The following ATXN3 variants were observed in gnomAD, a reference collection of about 807,000 sequenced individuals.
The protein encoded by ATXN3 is ataxin-3.
A neutral mutation model predicts 58.2 loss-of-function variants in ATXN3; 28 were observed. The ratio of observed to expected loss-of-function variants is 0.48; its 90% CI spans 0.36 to 0.66. The LOEUF (loss-of-function observed/expected upper bound fraction) is 0.66. Among genes scored for constraint, ATXN3 ranks in the 30% least tolerant of loss-of-function variants. The pLI is 0.00. For missense variants in ATXN3, 321 were observed against 422.1 expected, an observed-to-expected ratio of 0.76 and a Z score of 2.10; for synonymous variants, 113 against 138.5, an observed-to-expected ratio of 0.82 and a Z score of 1.29.
At chr14:92,103,805 C>A (rs2067435390) in intron 1 of ATXN3, among the ~76,000 whole-genome samples, 1 of 152,314 alleles carries the variant, frequency 6.6e-6, no homozygotes. Flanking sequence ...CAAGGCCCTT[C>A]GTAGGCAGAT....
In ATXN3 at chr14:92,083,117, C is replaced by T. The variant is rs1243150642; in HGVS notation, c.608+9G>A. The T allele has an allele frequency of 1.1e-5, 17 of 1,606,576 alleles. No homozygotes were observed. The highest frequency in any genetic ancestry group is 1.4e-5 in the Non-Finnish European group (17 of 1,178,114). On this transcript the variant is annotated intron_variant, in intron 7 of 10. Coordinates refer to ENST00000644486, the MANE Select transcript of ATXN3 (RefSeq NM_004993.6). ...ACCATATATTCCATACTGCAGGCCT[C>T]ATTTTTACCTTTGCTCTTTTAGTTG...
chr14:92,054,323 G>A (rs570578594), downstream of ATXN3, among the ~76,000 whole-genome samples: 66 of 152,254 alleles, frequency 4.3e-4, no homozygotes, highest in African/African-American at 1.5e-3. Context: ...TAAGTCACAG[G>A]ATGAGATACA....
intron 5 of ATXN3, among the ~76,000 whole-genome samples, chr14:92,089,065 G>A (rs954193591): frequency 6.6e-6 from 1 of 151,036 alleles, no homozygotes; most frequent in African/African-American, 2.4e-5. Flanking sequence ...AACCCAGGCT[G>A]GAGTGCAGTG....
downstream of ATXN3, among the ~76,000 whole-genome samples, chr14:92,057,412 A>AAC (rs2057481437): frequency 2.8e-5 from 4 of 144,286 alleles, no homozygotes; most frequent in African/African-American, 1.1e-4. Context: ...GCTCTGTCTT[A>AAC]AACAACAACA....
intron 1 of ATXN3, among the ~76,000 whole-genome samples, chr14:92,100,697 CATAGTGGTT>C (rs1396251846): frequency 6.6e-6 from 1 of 152,042 alleles, no homozygotes; most frequent in African/African-American, 2.4e-5. Flanking sequence ...CAGAATTCAG[CATAGTGGTT>C]ATATTTGGTG....
rs184715319 is a variant in ATXN3, at chr14:92,075,260, G to C, written c.873-4207C>G. ...GCTCACTGCAACCTCTGCCTCCCAG[G>C]TTCAAGTGATTCTCCTGCCTCAGCC... is the stretch of plus-strand genomic sequence containing the variant. On this transcript the variant is annotated intron_variant, in intron 9 of 10. Transcript: ENST00000644486. Among the ~76,000 whole-genome samples the C allele has an allele frequency of 6.4e-3, 952 of 149,586 alleles. 8 individuals carry two copies. Among genetic ancestry groups the C allele is most frequent in the Middle Eastern group, 0.028 (8 of 288 alleles).
chr14:92,085,203 T>G (rs963907136), intron 6 of ATXN3, among the ~76,000 whole-genome samples: 1 of 151,834 alleles, frequency 6.6e-6, no homozygotes, highest in Admixed American at 6.6e-5. Flanking sequence ...TTTTTAATTT[T>G]TTTTTGAGAG....
downstream of ATXN3, among the ~76,000 whole-genome samples, chr14:92,054,329 A>G (rs539565469): frequency 1.7e-4 from 26 of 152,328 alleles, no homozygotes; most frequent in African/African-American, 6.3e-4. Context: ...ACAGGATGAG[A>G]TACAAGGTCA....
chr14:92,066,859 T>G (rs1322853262), intron 10 of ATXN3, among the ~76,000 whole-genome samples: 12 of 151,606 alleles, frequency 7.9e-5, no homozygotes, highest in African/African-American at 2.7e-4. Flanking sequence ...AACCGTCGCC[T>G]CCCAGGTTCA....
At chr14:92,099,775 G>C (rs2066310213) in intron 1 of ATXN3, among the ~76,000 whole-genome samples, 1 of 152,156 alleles carries the variant, frequency 6.6e-6, no homozygotes, top group Non-Finnish European at 1.5e-5. Context: ...GCTGAGAAAG[G>C]AGGATAACTT....
intron 1 of ATXN3, among the ~76,000 whole-genome samples, chr14:92,100,170 G>A (rs1038060411): frequency 6.6e-6 from 1 of 152,110 alleles, no homozygotes; most frequent in African/African-American, 2.4e-5. Context: ...CTGATGAGAG[G>A]ATAAATTGGT....
intron 10 of ATXN3, among the ~76,000 whole-genome samples, chr14:92,068,705 C>T (rs573186328): frequency 3.9e-5 from 6 of 152,292 alleles, no homozygotes; most frequent in South Asian, 2.1e-4. Context: ...ATTCTCCTGC[C>T]TCAGCCTCCC....
chr14:92,075,312 C>T (rs1309068266), intron 9 of ATXN3, among the ~76,000 whole-genome samples: 1 of 151,818 alleles, frequency 6.6e-6, no homozygotes, highest in African/African-American at 2.4e-5. Context: ...TTACAGGCGC[C>T]CGCCACCATA....
chr14:92,086,321 A>AG (rs35014837), intron 6 of ATXN3, among the ~76,000 whole-genome samples: 41,773 of 149,354 alleles, frequency 0.28, 6,199 homozygotes, highest in East Asian at 0.44. Flanking sequence ...CCAGCACTTT[A>AG]GGGGGCCGAG....
At chr14:92,096,958 A>C in intron 1 of ATXN3, 120 bp from the exon 2 acceptor site, 2 of 842,670 alleles carry the variant, frequency 2.4e-6, no homozygotes, top group Non-Finnish European at 3.7e-6. Context: ...CCCAGGCCGG[A>C]GTGCAGTGGC....
chr14:92,095,056 C>T (rs1363119170), intron 3 of ATXN3, among the ~76,000 whole-genome samples: 1 of 147,894 alleles, frequency 6.8e-6, no homozygotes, highest in Non-Finnish European at 1.5e-5. Flanking sequence ...CTTGCGAGTA[C>T]ATATATATAT....
In ATXN3 at chr14:92,062,910, G is replaced by C. The variant is rs1009068481; in HGVS notation, c.*1410C>G. ...CGAAGTTGTCAGCTGAAATTTCTTGGATTTTAGCTTATGAACAATTCAACA... is the reference window on the plus strand; with the variant it reads ...CGAAGTTGTCAGCTGAAATTTCTTGCATTTTAGCTTATGAACAATTCAACA... On this transcript the variant is annotated 3_prime_UTR_variant, in exon 11 of 11. Transcript: ENST00000644486. 1.3e-5 allele frequency: 2 copies of C among 152,536 alleles called. No homozygotes were observed. Among genetic ancestry groups the C allele is most frequent in the African/African-American group, 4.8e-5 (2 of 41,420 alleles). 9.4% of individuals were successfully genotyped at this position (152,536 alleles called of 1,614,324 possible). A position where few individuals can be genotyped will look rare whatever the true frequency, so the allele number is the denominator to read the frequency against.
At chr14:92,057,277 G>A (rs1368980021), downstream of ATXN3, among the ~76,000 whole-genome samples, 3 of 152,252 alleles carry the variant, frequency 2.0e-5, no homozygotes, top group East Asian at 3.9e-4. Flanking sequence ...TTAGCTGGGC[G>A]TGGTGGTGCA....
At chr14:92,046,175 G>C (rs183643631) in intron 2 of ATXN3, 3 of 152,244 alleles carry the variant, frequency 2.0e-5, no homozygotes, top group Non-Finnish European at 2.9e-5. Flanking sequence ...GCGAGGGCTC[G>C]AGTTAAGGCA....
Sources: allele counts gnomAD v4.1 joint callset (sites outside exome capture counted in the v4.1 genomes callset), GRCh38; gene constraint gnomAD v4.1.1; transcripts MANE v1.5; gene names NCBI Gene and HGNC (gene_info 2026-07-23, HGNC 2026-07-21).